ATP2C2: variants seen among roughly 807,000 people sequenced by gnomAD.
The protein encoded by ATP2C2 is calcium-transporting ATPase type 2C member 2.
A neutral mutation model predicts 110.8 loss-of-function variants in ATP2C2; 171 were observed. The observed-to-expected ratio is 1.54, with a 90% CI of 1.36 to 1.75. The LOEUF (loss-of-function observed/expected upper bound fraction) is 1.75. Among genes scored for constraint, ATP2C2 ranks in the 40% most tolerant of loss-of-function variants. The pLI is 0.00. For synonymous variants in ATP2C2, 804 were observed against 508.4 expected (o/e 1.58, Z -7.82); for missense variants, 1,963 against 1,235.0 (o/e 1.59, Z -8.84).
rs1392473960 is a variant in ATP2C2 at position 84,451,995 on chromosome 16, A to G, written c.1735A>G (p.Arg579Gly). Residue 579 changes from arginine to glycine, a missense_variant, in exon 18 of 27, where the codon AGA becomes GGA. By Grantham distance (125) the Arg-to-Gly change is moderately radical. Coordinates refer to ENST00000262429, the MANE Select transcript of ATP2C2 (RefSeq NM_014861.4). Reference protein sequence around the residue: ...LGLVGIIDPPRVGVKEAVQVL... With the variant: ...LGLVGIIDPPGVGVKEAVQVL... ...TCTTGTGGGCATCATTGACCCCCCGAGAGTTGGCGTGAAGGAAGCAGTCCA... is the reference window on the plus strand; with the variant it reads ...TCTTGTGGGCATCATTGACCCCCCGGGAGTTGGCGTGAAGGAAGCAGTCCA... The G allele has an allele frequency of 6.2e-7, 1 of 1,613,550 alleles. No homozygotes were observed. The highest frequency in any genetic ancestry group is 8.5e-7 in the Non-Finnish European group (1 of 1,179,940).
intron 1 of ATP2C2, among the ~76,000 whole-genome samples, chr16:84,381,668 C>A (rs180849871): frequency 2.9e-4 from 44 of 152,326 alleles, no homozygotes; most frequent in South Asian, 1.0e-3. Context: ...ATTCTGCCCA[C>A]TCCATGCTTC....
intron 1 of ATP2C2, among the ~76,000 whole-genome samples, chr16:84,394,002 CA>C (rs202138049): frequency 1.7e-5 from 2 of 117,512 alleles, no homozygotes; most frequent in East Asian, 2.3e-4. Context: ...TTAAAAATAC[CA>C]AAAAAAATAA....
At chr16:84,388,577 A>T (rs1274066265) in intron 1 of ATP2C2, among the ~76,000 whole-genome samples, 1 of 152,122 alleles carries the variant, frequency 6.6e-6, no homozygotes, top group East Asian at 1.9e-4. Context: ...AAGGATAGAG[A>T]AGCCTTGGAA....
intron 15 of ATP2C2, among the ~76,000 whole-genome samples, chr16:84,444,603 TCAA>T (rs1449841154): frequency 6.6e-6 from 1 of 152,210 alleles, no homozygotes. Flanking sequence ...TCTGCCCCAT[TCAA>T]CAACTCCTCG....
intron 21 of ATP2C2, among the ~76,000 whole-genome samples, chr16:84,458,493 A>T (rs966767816): frequency 4.9e-5 from 1 of 20,470 alleles, no homozygotes; most frequent in Admixed American, 7.5e-4. Context: ...CTTAGAGTAT[A>T]ATAAAAAAAA....
rs1320939210 is a variant in ATP2C2 at position 84,371,303 on chromosome 16, AC to A, written c.99+2593del. On this transcript the variant is annotated intron_variant, in intron 1 of 26. Transcript: ENST00000262429. ...AGACTGAGGCAGGAGGGTCACTTGA[AC>A]CCCAGAGTTCAAGATCAGCCTGGGC... 7.9e-5 allele frequency among the ~76,000 whole-genome samples: 12 copies of A among 152,076 alleles called. No individual in the cohort carries two copies. The East Asian group carries it at 2.3e-3, about 29-fold the overall frequency.
chr16:84,426,509 C>T (rs1907828568), intron 11 of ATP2C2, among the ~76,000 whole-genome samples: 1 of 152,030 alleles, frequency 6.6e-6, no homozygotes, highest in Non-Finnish European at 1.5e-5. Flanking sequence ...AGCCAGCCTG[C>T]CTCTGTTTAA....
intron 1 of ATP2C2, among the ~76,000 whole-genome samples, chr16:84,376,362 C>T (rs111950551): frequency 6.6e-6 from 1 of 152,154 alleles, no homozygotes; most frequent in Non-Finnish European, 1.5e-5. Context: ...ATCTCTCCCT[C>T]GAGTGTCCTG....
chr16:84,433,481 C>G (rs966649892), intron 11 of ATP2C2, among the ~76,000 whole-genome samples: 6 of 152,040 alleles, frequency 3.9e-5, no homozygotes, highest in Admixed American at 2.0e-4. Context: ...AGTGAAACCT[C>G]GTCTCTACTA....
At chr16:84,421,333 G>C (rs1036103002) in intron 7 of ATP2C2, among the ~76,000 whole-genome samples, 1 of 152,220 alleles carries the variant, frequency 6.6e-6, no homozygotes, top group Non-Finnish European at 1.5e-5. Context: ...GGCATTACCT[G>C]GGTGACAGGC....
chr16:84,415,098 A>G (rs980440080), intron 6 of ATP2C2, among the ~76,000 whole-genome samples: 3 of 152,108 alleles, frequency 2.0e-5, no homozygotes, highest in Non-Finnish European at 4.4e-5. Flanking sequence ...AGGCTCTGCC[A>G]TCCCTGACTT....
intron 7 of ATP2C2, among the ~76,000 whole-genome samples, chr16:84,420,619 A>G (rs1907247475): frequency 6.6e-6 from 1 of 151,920 alleles, no homozygotes; most frequent in Non-Finnish European, 1.5e-5. Context: ...GGTCACAACT[A>G]AGGAACCCAT....
chr16:84,454,832 A>C lies in ATP2C2; in HGVS notation c.1995A>C (p.Ser665=). Residue 665 remains serine, a synonymous_variant, in exon 21 of 27, where the codon TCA becomes TCC. Transcript: ENST00000262429. ...TCTTTCCAAAGGCTCTGCAGGAGTC[A>C]GGGGCGATCGTGGCCATGACTGGGG... The part of the protein sequence containing the change: ...KLKIIKALQE[S]GAIVAMTGDG... 1 of 1,610,174 alleles carries C rather than the reference A, an allele frequency of 6.2e-7. No individual in the cohort carries two copies.
intron 13 of ATP2C2, among the ~76,000 whole-genome samples, chr16:84,440,479 A>AGT (rs1368502045): frequency 3.9e-5 from 6 of 152,240 alleles, no homozygotes; most frequent in Non-Finnish European, 8.8e-5. Context: ...TTCATGCCTC[A>AGT]GTGTGCCGCA....
At chr16:84,406,216 A>T (rs1310834668) in intron 3 of ATP2C2, among the ~76,000 whole-genome samples, 1 of 152,158 alleles carries the variant, frequency 6.6e-6, no homozygotes, top group Non-Finnish European at 1.5e-5. Context: ...AAATGCCTGG[A>T]AGCCACTAAG....
chr16:84,420,715 T>C (rs11642620), intron 7 of ATP2C2, among the ~76,000 whole-genome samples: 35,927 of 151,902 alleles, frequency 0.24, 4,523 homozygotes, highest in Non-Finnish European at 0.29. Flanking sequence ...TCCAGGATCC[T>C]ACCTGACATT....
At position 84,448,400 on chromosome 16, in the gene ATP2C2, C is replaced by G. The variant is rs148915245; in HGVS notation, c.1504-133C>G. 9.4e-4 allele frequency: 1,086 copies of G among 1,151,838 alleles called. 11 individuals are homozygous for G. In the African/African-American group the frequency reaches 0.015, roughly 16 times the overall value. The allele number at this position is 1,151,838 out of a possible 1,614,324, so 71.4% of individuals were successfully genotyped here. Reference sequence around the variant, plus strand: ...ACCTGTCCAGCACCTGTGAACAGCACCAGCCTATGATAAATAACTCCGCTG... The same window carrying G: ...ACCTGTCCAGCACCTGTGAACAGCAGCAGCCTATGATAAATAACTCCGCTG... On this transcript the variant is annotated intron_variant, in intron 16 of 26. Coordinates refer to ENST00000262429, the MANE Select transcript of ATP2C2 (RefSeq NM_014861.4).
At chr16:84,442,474 G>A in intron 14 of ATP2C2, 36 bp from the exon 15 acceptor site, 9 of 1,606,534 alleles carry the variant, frequency 5.6e-6, no homozygotes, top group Non-Finnish European at 7.7e-6. Context: ...CATGAGCCCA[G>A]TACTAACTAC....
At chr16:84,404,660 T>C (rs570295355) in intron 2 of ATP2C2, 1 of 327,394 alleles carries the variant, frequency 3.1e-6, no homozygotes, top group Non-Finnish European at 5.9e-6. Flanking sequence ...CGAACATGGT[T>C]GTACAAACAT....
Sources: gnomAD v4.1 joint callset for allele counts (sites outside exome capture counted in the v4.1 genomes callset) on GRCh38, gnomAD v4.1.1 for gene constraint, MANE v1.5 for transcripts, NCBI Gene and HGNC (gene_info 2026-07-23, HGNC 2026-07-21) for gene names.